Variants in CTTNBP2 observed in about 807,000 individuals in gnomAD.
CTTNBP2 encodes cortactin-binding protein 2.
Under a neutral mutation model 156.9 loss-of-function variants are expected in CTTNBP2, and 108 were observed. The observed-to-expected ratio is 0.69, with a 90% CI of 0.59 to 0.81. CTTNBP2 has a LOEUF of 0.81. Ranked by LOEUF, CTTNBP2 falls within the 30% of genes least tolerant of loss-of-function variation. CTTNBP2 has a pLI of 0.00. For missense variants in CTTNBP2, 1,924 were observed against 2,035.4 expected (o/e 0.95, Z 1.05); for synonymous variants, 767 against 751.8 (o/e 1.02, Z -0.33).
chr7:117,760,113 G>T (rs1217435616), intron 10 of CTTNBP2, among the ~76,000 whole-genome samples: 1 of 152,186 alleles, frequency 6.6e-6, no homozygotes, highest in African/African-American at 2.4e-5. Context: ...GCTGTGTTCA[G>T]TACTTGCGCA....
At chr7:117,849,838 T>C (rs1288292965) in intron 2 of CTTNBP2, among the ~76,000 whole-genome samples, 1 of 152,190 alleles carries the variant, frequency 6.6e-6, no homozygotes, top group Non-Finnish European at 1.5e-5. Flanking sequence ...TTAGTAGCTA[T>C]TACCTAGCTC....
At chr7:117,738,975 G>C (rs1490610672) in intron 14 of CTTNBP2, among the ~76,000 whole-genome samples, 2 of 152,140 alleles carry the variant, frequency 1.3e-5, no homozygotes, top group East Asian at 3.8e-4. Context: ...CATAACCATT[G>C]GGTTATCTTT....
At chr7:117,853,930 T>A (rs1160671429) in intron 2 of CTTNBP2, among the ~76,000 whole-genome samples, 2 of 152,232 alleles carry the variant, frequency 1.3e-5, no homozygotes, top group Non-Finnish European at 2.9e-5. Context: ...AAGCAATGTT[T>A]TGCATGGTAT....
intron 2 of CTTNBP2, among the ~76,000 whole-genome samples, chr7:117,851,719 A>T (rs967826660): frequency 3.3e-5 from 5 of 152,160 alleles, no homozygotes; most frequent in Non-Finnish European, 7.4e-5. Flanking sequence ...AACCAAACTC[A>T]CAACTTGTTA....
chr7:117,757,899 C>T lies in CTTNBP2; in HGVS notation c.3244G>A (p.Glu1082Lys). 1 of 1,612,684 alleles carries T rather than the reference C, an allele frequency of 6.2e-7. No individual in the cohort carries two copies. ...PWDFMRKNKA[E>K]HITVLLSGPQ... ...CCTGACAAAAGCACAGTGATGTGCT[C>T]TGCCTTATTCTTCCTCATAAAGTCC... Residue 1082 changes from glutamate to lysine, a missense_variant, in exon 11 of 23, where the codon GAG (glutamate) becomes AAG (lysine). Glu to Lys is a moderately conservative substitution (Grantham distance 56, BLOSUM62 1). Coordinates refer to ENST00000160373, the MANE Select transcript of CTTNBP2 (RefSeq NM_033427.3).
chr7:117,717,821 T>A (rs1291164680), intron 22 of CTTNBP2, among the ~76,000 whole-genome samples, 197 bp downstream of exon 22: 2 of 152,266 alleles, frequency 1.3e-5, no homozygotes, highest in South Asian at 2.1e-4. Context: ...AGTAATGCTT[T>A]CCTATGTCAT....
intron 3 of CTTNBP2, among the ~76,000 whole-genome samples, chr7:117,808,953 AT>A (rs961482180): frequency 2.0e-5 from 3 of 152,296 alleles, no homozygotes; most frequent in African/African-American, 7.2e-5. Context: ...AAAATATAAT[AT>A]TTTTTAAGGA....
At chr7:117,831,139 C>G (rs1201027597) in intron 2 of CTTNBP2, among the ~76,000 whole-genome samples, 2 of 152,190 alleles carry the variant, frequency 1.3e-5, no homozygotes, top group African/African-American at 4.8e-5. Context: ...CATTCACCAA[C>G]AACTCTGTCG....
intron 2 of CTTNBP2, among the ~76,000 whole-genome samples, chr7:117,816,595 A>G (rs1217299627): frequency 6.6e-6 from 1 of 152,182 alleles, no homozygotes; most frequent in East Asian, 1.9e-4. Context: ...GATTCAAGGA[A>G]ACATCTGTAA....
Position 117,780,603 on chromosome 7 carries a change from A to T in CTTNBP2, c.2373-12T>A. The T allele has an allele frequency of 1.3e-6, 2 of 1,521,204 alleles. No individual in the cohort carries two copies. Among genetic ancestry groups the T allele is most frequent in the Non-Finnish European group, 1.8e-6 (2 of 1,131,554 alleles). 94.2% of individuals were successfully genotyped at this position (1,521,204 alleles called of 1,614,324 possible). On this transcript the variant is annotated splice_polypyrimidine_tract_variant and intron_variant, in intron 6 of 22. Coordinates refer to ENST00000160373, the MANE Select transcript of CTTNBP2 (RefSeq NM_033427.3). ...ATAATTCTACACACCTAAACACAAG[A>T]TTAGGATTAATTACATAAAACCTGG...
intron 14 of CTTNBP2, among the ~76,000 whole-genome samples, chr7:117,739,958 T>A (rs2116518588): frequency 6.6e-6 from 1 of 152,250 alleles, no homozygotes; most frequent in East Asian, 1.9e-4. Context: ...CCATCTAGTG[T>A]TTAATTTTTT....
At chr7:117,780,187 A>G (rs1040636424) in intron 7 of CTTNBP2, among the ~76,000 whole-genome samples, 1 of 152,230 alleles carries the variant, frequency 6.6e-6, no homozygotes, top group East Asian at 1.9e-4. Flanking sequence ...AAAAATAATC[A>G]AAGCATAGGT....
chr7:117,760,632 T>C lies in CTTNBP2; in HGVS notation c.2975A>G (p.Glu992Gly). The C allele has an allele frequency of 6.2e-7, 1 of 1,614,084 alleles. No homozygotes were observed. Among genetic ancestry groups the C allele is most frequent in the Non-Finnish European group, 8.5e-7 (1 of 1,179,964 alleles). ...SNYGSDDLEC[E>G]NTICALNIRK... Reference sequence around the variant, plus strand: ...GATATTTAAAGCACATATTGTGTTTTCACATTCCAAGTCATCAGAACCATA... The same window carrying C: ...GATATTTAAAGCACATATTGTGTTTCCACATTCCAAGTCATCAGAACCATA... The change falls in exon 10 of 23, where the codon GAA (glutamate) becomes GGA (glycine). Residue 992 changes from glutamate (E) to glycine (G), a missense_variant. Transcript: ENST00000160373.
intron 8 of CTTNBP2, among the ~76,000 whole-genome samples, chr7:117,768,114 CA>C (rs1367817995): frequency 3.6e-4 from 55 of 152,070 alleles, no homozygotes; most frequent in South Asian, 1.5e-3. Context: ...CACACACACA[CA>C]CCCACTTGGA....
chr7:117,740,849 T>C (rs1451796713), intron 14 of CTTNBP2, among the ~76,000 whole-genome samples: 1 of 152,178 alleles, frequency 6.6e-6, no homozygotes, highest in Non-Finnish European at 1.5e-5. Context: ...AAGTCTCTGG[T>C]GTCCTTGTTG....
intron 16 of CTTNBP2, among the ~76,000 whole-genome samples, chr7:117,732,793 G>A (rs993346576): frequency 2.6e-5 from 4 of 151,950 alleles, no homozygotes; most frequent in Admixed American, 6.6e-5. Flanking sequence ...TGTCCTACAT[G>A]AAGGAAATAA....
At chr7:117,845,732 T>G (rs1802542143) in intron 2 of CTTNBP2, among the ~76,000 whole-genome samples, 1 of 152,236 alleles carries the variant, frequency 6.6e-6, no homozygotes, top group Non-Finnish European at 1.5e-5. Context: ...CCAAAGGATA[T>G]CCACAGCAAG....
At chr7:117,757,316 G>A (rs1380658909) in intron 11 of CTTNBP2, among the ~76,000 whole-genome samples, 1 of 152,074 alleles carries the variant, frequency 6.6e-6, no homozygotes, top group East Asian at 1.9e-4. Context: ...GTGGCAGCAT[G>A]ACCTTAGGCA....
At chr7:117,714,593 G>A (rs900517388) in intron 22 of CTTNBP2, among the ~76,000 whole-genome samples, 2 of 152,154 alleles carry the variant, frequency 1.3e-5, no homozygotes, top group East Asian at 3.9e-4. Context: ...GCAACATGAT[G>A]GTGAGGGGAG....
Sources: gnomAD v4.1 joint callset for allele counts (sites outside exome capture counted in the v4.1 genomes callset) on GRCh38, gnomAD v4.1.1 for gene constraint, MANE v1.5 for transcripts, NCBI Gene and HGNC (gene_info 2026-07-23, HGNC 2026-07-21) for gene names.